Variants in TBCCD1 observed in about 807,000 individuals in gnomAD.
TBCCD1 encodes the protein TBCC domain containing 1.
TBCCD1 carries 26 observed loss-of-function variants against 53.4 expected under a neutral mutation model. That is an observed-to-expected ratio of 0.49 (90% CI 0.36 to 0.68). The LOEUF (loss-of-function observed/expected upper bound fraction) is 0.68. Among genes scored for constraint, TBCCD1 ranks in the 30% least tolerant of loss-of-function variants. TBCCD1 has a pLI of 0.00. For missense variants in TBCCD1, 558 were observed against 669.5 expected (o/e 0.83, Z 1.84); for synonymous variants, 245 against 241.7 (o/e 1.01, Z -0.13).
upstream of TBCCD1, among the ~76,000 whole-genome samples, chr3:186,568,673 G>T (rs1714905261): frequency 6.6e-6 from 1 of 152,060 alleles, no homozygotes; most frequent in South Asian, 2.1e-4. Context: ...GGCTGAGGCG[G>T]GTGGATCACT....
chr3:186,568,920 A>G (rs1372307071), upstream of TBCCD1, among the ~76,000 whole-genome samples: 2 of 149,544 alleles, frequency 1.3e-5, no homozygotes, highest in African/African-American at 5.0e-5. Flanking sequence ...AAAAAGAAAT[A>G]AAGAAAAGAA....
At chr3:186,563,047 A>G (rs756492611) in intron 2 of TBCCD1, among the ~76,000 whole-genome samples, 18 of 152,184 alleles carry the variant, frequency 1.2e-4, no homozygotes, top group Non-Finnish European at 2.5e-4. Context: ...CTGGAATTTC[A>G]TTTGTTTGTT....
chr3:186,553,770 A>G (rs1314821997), intron 6 of TBCCD1, among the ~76,000 whole-genome samples: 1 of 152,204 alleles, frequency 6.6e-6, no homozygotes, highest in Non-Finnish European at 1.5e-5. Flanking sequence ...CTAATACTGG[A>G]TATTTACCCA....
chr3:186,555,804 A>C (rs1176415627), intron 4 of TBCCD1, among the ~76,000 whole-genome samples: 1 of 152,062 alleles, frequency 6.6e-6, no homozygotes, highest in Non-Finnish European at 1.5e-5. Flanking sequence ...CGCCAACCTC[A>C]GCCTCCCAAA....
chr3:186,551,398 T>C, intron 6 of TBCCD1, 119 bp from the exon 7 acceptor site: 1 of 1,074,360 alleles, frequency 9.3e-7, no homozygotes, highest in Non-Finnish European at 1.3e-6. Flanking sequence ...TTTCTTGTTA[T>C]CCTTTTGTTC....
In TBCCD1 at chr3:186,554,409, A is replaced by T. The variant is rs146025321; in HGVS notation, c.1389T>A (p.Pro463=). ...SDTRVFQLLP[P]CEFYVFIIPF... is the part of the protein sequence containing the mutation. ...GAATAATAAATACATAGAATTCACA[A>T]GGTGGTAAAAGCTGGAAGACTCTTG... Residue 463 remains proline (P), a synonymous_variant, in exon 6 of 8, where the codon CCT becomes CCA. Coordinates refer to ENST00000338733, the MANE Select transcript of TBCCD1 (RefSeq NM_018138.5). 4.5e-4 allele frequency: 730 copies of T among 1,614,254 alleles called. 5 individuals carry two copies. In the South Asian group the frequency reaches 7.1e-3, roughly 16 times the overall value.
intron 3 of TBCCD1, 93 bp from the exon 4 acceptor site, chr3:186,556,868 C>G (rs1714559280): frequency 2.8e-6 from 4 of 1,424,382 alleles, no homozygotes; most frequent in Non-Finnish European, 3.8e-6. Context: ...TATACTCTGC[C>G]TCATCCCCCA....
chr3:186,549,419 C>G (rs953802877), intron 7 of TBCCD1, among the ~76,000 whole-genome samples: 3 of 152,110 alleles, frequency 2.0e-5, no homozygotes, highest in Non-Finnish European at 4.4e-5. Flanking sequence ...TGCCTGTAAT[C>G]CCAGCACTTT....
chr3:186,568,860 G>T (rs1714912582), upstream of TBCCD1, among the ~76,000 whole-genome samples: 1 of 149,722 alleles, frequency 6.7e-6, no homozygotes, highest in Non-Finnish European at 1.5e-5. Flanking sequence ...CCAAGATCAC[G>T]CTACTGCTCT....
chr3:186,566,173 G>A (rs1282040172), intron 1 of TBCCD1, among the ~76,000 whole-genome samples: 1 of 152,056 alleles, frequency 6.6e-6, no homozygotes, highest in African/African-American at 2.4e-5. Context: ...AAGTAGCTGG[G>A]ATTACAGGCT....
At chr3:186,552,437 A>G (rs935570098) in intron 6 of TBCCD1, among the ~76,000 whole-genome samples, 3 of 152,174 alleles carry the variant, frequency 2.0e-5, no homozygotes, top group African/African-American at 7.2e-5. Context: ...CAAAGAAAGA[A>G]CAAGATCACT....
chr3:186,551,350 T>C, intron 6 of TBCCD1, 71 bp from the exon 7 acceptor site: 1 of 1,347,128 alleles, frequency 7.4e-7, no homozygotes, highest in Non-Finnish European at 1.0e-6. Context: ...TAAGCAATTA[T>C]ACAATATTTT....
intron 2 of TBCCD1, among the ~76,000 whole-genome samples, chr3:186,562,922 A>G (rs1714727699): frequency 6.6e-6 from 1 of 152,246 alleles, no homozygotes; most frequent in Admixed American, 6.5e-5. Flanking sequence ...CACAGAAGCT[A>G]TTTCTTTAGC....
intron 6 of TBCCD1, among the ~76,000 whole-genome samples, chr3:186,553,117 A>T (rs1714425941): frequency 6.6e-6 from 1 of 152,188 alleles, no homozygotes; most frequent in Admixed American, 6.5e-5. Context: ...AGTTAAACTG[A>T]CTACTTTCAT....
At chr3:186,550,310 C>T (rs192306731) in intron 7 of TBCCD1, among the ~76,000 whole-genome samples, 27 of 151,052 alleles carry the variant, frequency 1.8e-4, no homozygotes, top group African/African-American at 6.3e-4. Flanking sequence ...TGGGGCTGGG[C>T]GCAGTGGTTT....
chr3:186,552,929 G>A (rs996334254), intron 6 of TBCCD1, among the ~76,000 whole-genome samples: 4 of 152,174 alleles, frequency 2.6e-5, no homozygotes, highest in Non-Finnish European at 2.9e-5. Flanking sequence ...GGAAAAGAAC[G>A]GCAGAAATTG....
intron 7 of TBCCD1, among the ~76,000 whole-genome samples, chr3:186,549,438 G>T (rs1019752271): frequency 1.3e-5 from 2 of 152,064 alleles, no homozygotes. Context: ...TTGGGAGGCC[G>T]AGGCAGGAGG....
At chr3:186,562,873 G>C (rs1159505389) in intron 2 of TBCCD1, among the ~76,000 whole-genome samples, 1 of 152,130 alleles carries the variant, frequency 6.6e-6, no homozygotes, top group Non-Finnish European at 1.5e-5. Flanking sequence ...CCTCCATTCT[G>C]TTGATCTTCC....
intron 1 of TBCCD1, among the ~76,000 whole-genome samples, chr3:186,566,625 C>A (rs925454515): frequency 6.6e-6 from 1 of 152,160 alleles, no homozygotes; most frequent in African/African-American, 2.4e-5. Flanking sequence ...TAAATGTACT[C>A]TAGGAATCCA....
Sources: gnomAD v4.1 joint callset for allele counts (sites outside exome capture counted in the v4.1 genomes callset) on GRCh38, gnomAD v4.1.1 for gene constraint, MANE v1.5 for transcripts, NCBI Gene and HGNC (gene_info 2026-07-23, HGNC 2026-07-21) for gene names.